The following AASS variants were observed in gnomAD, a reference collection of about 807,000 sequenced individuals.
AASS encodes aminoadipate-semialdehyde synthase, also known as alpha-aminoadipic semialdehyde synthase, mitochondrial.
AASS carries 86 observed loss-of-function variants against 105.4 expected under a neutral mutation model. The ratio of observed to expected loss-of-function variants is 0.82; its 90% confidence interval spans 0.69 to 0.98. AASS has a LOEUF of 0.98. AASS is among the 50% of genes least tolerant of loss of function. The pLI is 0.00. For missense variants in AASS, 1,048 were observed against 1,143.2 expected, an observed-to-expected ratio of 0.92 and a Z score of 1.20; for synonymous variants, 381 against 394.8, an observed-to-expected ratio of 0.96 and a Z score of 0.41.
intron 11 of AASS, among the ~76,000 whole-genome samples, chr7:122,105,969 C>G (rs1794647424): frequency 6.6e-6 from 1 of 151,894 alleles, no homozygotes; most frequent in African/African-American, 2.4e-5. Context: ...AATCAACAAA[C>G]CCTGTGTCTG....
At position 122,113,191 on chromosome 7, in the gene AASS, T is replaced by C; in HGVS notation, c.1205A>G (p.Asn402Ser). The change falls in exon 11 of 24, where the codon AAT becomes AGT. Residue 402 changes from asparagine to serine, a missense_variant. By Grantham distance (46) the Asn-to-Ser change is conservative. Coordinates refer to ENST00000417368, the MANE Select transcript of AASS (RefSeq NM_005763.4). The stretch of plus-strand genomic sequence containing the variant: ...TTCAATTGGGAGCTGTGCCGGCAAA[T>C]TGTCAATGGAACACATCAGGATCCC... ...GSGILMCSIDNLPAQLPIEAT... is the reference protein window; with the variant it reads ...GSGILMCSIDSLPAQLPIEAT... The C allele has an allele frequency of 6.2e-7, 1 of 1,614,052 alleles. No homozygotes were observed. The highest frequency in any genetic ancestry group is 8.5e-7 in the Non-Finnish European group (1 of 1,179,964).
intron 15 of AASS, among the ~76,000 whole-genome samples, chr7:122,096,975 C>A (rs1794183204): frequency 6.6e-6 from 1 of 152,010 alleles, no homozygotes; most frequent in South Asian, 2.1e-4. Context: ...TATTTTGAAT[C>A]AGAATTTCTT....
intron 11 of AASS, among the ~76,000 whole-genome samples, chr7:122,109,181 G>A (rs1794815304): frequency 7.0e-6 from 1 of 142,654 alleles, no homozygotes; most frequent in Non-Finnish European, 1.5e-5. Flanking sequence ...CATGTTCATG[G>A]AATGGAAGAA....
rs1012105967 is a variant in AASS, at chr7:122,113,197, A to G, written c.1199T>C (p.Ile400Thr). 1 of 1,614,070 alleles carries G rather than the reference A, an allele frequency of 6.2e-7. No individual in the cohort carries two copies. The highest frequency in any genetic ancestry group is 2.2e-5 in the East Asian group (1 of 44,856). The stretch of plus-strand genomic sequence containing the variant: ...TGGGAGCTGTGCCGGCAAATTGTCA[A>G]TGGAACACATCAGGATCCCCGAGCC... ...VEGSGILMCS[I>T]DNLPAQLPIE... The change falls in exon 11 of 24, where the codon ATT (isoleucine) becomes ACT (threonine). Residue 400 changes from isoleucine (I) to threonine (T), a missense_variant. By Grantham distance (89) the Ile-to-Thr change is moderately conservative. Coordinates refer to ENST00000417368, the MANE Select transcript of AASS (RefSeq NM_005763.4).
In AASS at chr7:122,107,680, T is replaced by C. The variant is rs189936259; in HGVS notation, c.1278+5438A>G. On this transcript the variant is annotated intron_variant, in intron 11 of 23. Transcript: ENST00000417368. ...ACCAAATACTGCATGCTCTCCCTTA[T>C]AAGCAGGAGCTAAATGATGAGGACA... Among the ~76,000 whole-genome samples the C allele has an allele frequency of 2.6e-5, 4 of 152,172 alleles. No homozygotes were observed. In the East Asian group the frequency reaches 7.8e-4, roughly 29 times the overall value.
At chr7:122,112,282 A>G (rs2150533191) in intron 11 of AASS, among the ~76,000 whole-genome samples, 1 of 152,334 alleles carries the variant, frequency 6.6e-6, no homozygotes, top group East Asian at 1.9e-4. Context: ...AGTAGGTGCA[A>G]TATCATGTCT....
At chr7:122,143,692 C>A (rs1305015035) in intron 1 of AASS, among the ~76,000 whole-genome samples, 4 of 151,880 alleles carry the variant, frequency 2.6e-5, no homozygotes, top group Admixed American at 2.0e-4. Context: ...GGGGAAAGAA[C>A]CACCCCGAAA....
At chr7:122,096,904 T>C (rs1316808748) in intron 15 of AASS, among the ~76,000 whole-genome samples, 2 of 152,110 alleles carry the variant, frequency 1.3e-5, no homozygotes, top group Admixed American at 1.3e-4. Context: ...AAAAATGATA[T>C]ATTTAGATAC....
In AASS at chr7:122,086,083, T is replaced by C. The variant is rs755152951; in HGVS notation, c.2113A>G (p.Ser705Gly). ...LNLEGYPNRD[S>G]TKYAEIYGIS... ...CCATAAATCTCAGCATATTTCGTACTGTCTCTGTTAGGATAGCCTTCCAAA... is the reference window on the plus strand; with the variant it reads ...CCATAAATCTCAGCATATTTCGTACCGTCTCTGTTAGGATAGCCTTCCAAA... The change falls in exon 19 of 24, where the codon AGT becomes GGT. Residue 705 changes from serine (S) to glycine (G), a missense_variant. By Grantham distance (56) the Ser-to-Gly change is moderately conservative. Transcript: ENST00000417368. 5 of 1,613,682 alleles carry C rather than the reference T, an allele frequency of 3.1e-6. No homozygotes were observed. In the South Asian group the frequency reaches 4.4e-5, roughly 14 times the overall value.
intron 19 of AASS, among the ~76,000 whole-genome samples, chr7:122,083,937 G>A (rs2150510493): frequency 6.6e-6 from 1 of 152,208 alleles, no homozygotes; most frequent in Non-Finnish European, 1.5e-5. Flanking sequence ...CGAACACTGT[G>A]ATATCTTCCA....
chr7:122,130,993 G>T (rs1191786998), intron 2 of AASS, among the ~76,000 whole-genome samples: 2 of 141,976 alleles, frequency 1.4e-5, no homozygotes, highest in African/African-American at 5.2e-5. Flanking sequence ...GAACAAAAGG[G>T]AAATAAATAT....
At chr7:122,102,830 C>T (rs773819677) in intron 11 of AASS, among the ~76,000 whole-genome samples, 24 of 151,500 alleles carry the variant, frequency 1.6e-4, no homozygotes, top group African/African-American at 4.1e-4. Context: ...ATTTTGAATA[C>T]GCAATGTCTG....
At chr7:122,081,401 A>T (rs1440069878) in intron 20 of AASS, 99 bp downstream of exon 20, 4 of 939,176 alleles carry the variant, frequency 4.3e-6, no homozygotes, top group Non-Finnish European at 7.1e-6. Context: ...TAAGCTAAAA[A>T]ATAGGATCTT....
At chr7:122,106,939 T>C (rs1794695044) in intron 11 of AASS, among the ~76,000 whole-genome samples, 1 of 151,988 alleles carries the variant, frequency 6.6e-6, no homozygotes, top group South Asian at 2.1e-4. Flanking sequence ...CAAAAGAAAC[T>C]ATGAACAGAG....
chr7:122,096,353 C>G (rs1794153994), intron 15 of AASS, among the ~76,000 whole-genome samples: 1 of 152,048 alleles, frequency 6.6e-6, no homozygotes, highest in African/African-American at 2.4e-5. Flanking sequence ...AAACAATTAG[C>G]CAGGCATGGT....
intron 4 of AASS, among the ~76,000 whole-genome samples, chr7:122,119,692 A>G (rs184182822): frequency 1.5e-4 from 23 of 152,348 alleles, no homozygotes; most frequent in African/African-American, 5.5e-4. Flanking sequence ...ACAAATATAC[A>G]CATCTGTGTT....
intron 11 of AASS, among the ~76,000 whole-genome samples, chr7:122,105,031 G>GTTC (rs1313842065): frequency 6.6e-6 from 1 of 151,822 alleles, no homozygotes; most frequent in African/African-American, 2.4e-5. Context: ...CCCTCAAAGG[G>GTTC]GATGAAAGAA....
At chr7:122,138,834 G>GA (rs920968516) in intron 1 of AASS, among the ~76,000 whole-genome samples, 3 of 151,572 alleles carry the variant, frequency 2.0e-5, no homozygotes, top group Admixed American at 1.3e-4. Context: ...GAGAGAGAGA[G>GA]AAAAAAAAGG....
chr7:122,137,015 G>T (rs1275007486), intron 1 of AASS, among the ~76,000 whole-genome samples: 2 of 152,142 alleles, frequency 1.3e-5, no homozygotes, highest in Non-Finnish European at 2.9e-5. Flanking sequence ...AGAAGTGCCT[G>T]GGACTGAGCT....
Sources: gnomAD v4.1 joint callset for allele counts (sites outside exome capture counted in the v4.1 genomes callset) on GRCh38, gnomAD v4.1.1 for gene constraint, MANE v1.5 for transcripts, NCBI Gene and HGNC (gene_info 2026-07-23, HGNC 2026-07-21) for gene names.